ZDHHC17: variants seen among roughly 807,000 people sequenced by gnomAD.
The protein encoded by ZDHHC17 is zDHHC palmitoyltransferase 17, also known as palmitoyltransferase ZDHHC17.
A neutral mutation model predicts 90.3 loss-of-function variants in ZDHHC17; 40 were observed. That is an observed-to-expected ratio of 0.44 (90% CI 0.34 to 0.58). The LOEUF (loss-of-function observed/expected upper bound fraction) is 0.58. Ranked by LOEUF, ZDHHC17 falls within the 20% of genes least tolerant of loss-of-function variation. The pLI is 0.01. For synonymous variants in ZDHHC17, 235 were observed against 252.4 expected (o/e 0.93, Z 0.65); for missense variants, 614 against 780.8 (o/e 0.79, Z 2.55).
intron 10 of ZDHHC17, among the ~76,000 whole-genome samples, chr12:76,837,647 T>A (rs1332924758): frequency 6.6e-6 from 1 of 152,210 alleles, no homozygotes; most frequent in Non-Finnish European, 1.5e-5. Flanking sequence ...GAGGTTATAT[T>A]TGTATACTAT....
chr12:76,805,406 G>A lies in ZDHHC17; in HGVS notation c.287G>A (p.Trp96Ter). ...PDKENVTLLH[W>*]AAINNRIDLV... ...AAAGAAAATGTTACCCTCCTCCATT[G>A]GGCTGCCATCAATAACAGAATAGAT... is the stretch of plus-strand genomic sequence containing the variant. Residue 96 changes from tryptophan to a stop codon, truncating the protein, a stop_gained, in exon 3 of 17, where the codon TGG (tryptophan) becomes TAG (stop). Transcript: ENST00000426126. LOFTEE classifies it high-confidence loss of function. The A allele has an allele frequency of 6.3e-7, 1 of 1,596,474 alleles. No homozygotes were observed. The highest frequency in any genetic ancestry group is 2.3e-5 in the East Asian group (1 of 44,206).
chr12:76,818,571 A>G (rs965639965), intron 7 of ZDHHC17, among the ~76,000 whole-genome samples: 1 of 152,206 alleles, frequency 6.6e-6, no homozygotes, highest in African/African-American at 2.4e-5. Context: ...AGGAGATGAC[A>G]TTTGCTTTCA....
chr12:76,765,359 A>G (rs954233708), intron 1 of ZDHHC17, among the ~76,000 whole-genome samples: 5 of 152,222 alleles, frequency 3.3e-5, no homozygotes, highest in African/African-American at 9.7e-5. Context: ...TTTATGTTGC[A>G]TGTTAACACT....
chr12:76,798,961 G>A (rs1952855023), intron 2 of ZDHHC17, among the ~76,000 whole-genome samples: 1 of 152,170 alleles, frequency 6.6e-6, no homozygotes, highest in Non-Finnish European at 1.5e-5. Flanking sequence ...TTGAACATAA[G>A]ATTTGGGTGT....
At chr12:76,843,968 G>A (rs1027440755) in intron 12 of ZDHHC17, 3 of 151,990 alleles carry the variant, frequency 2.0e-5, no homozygotes, top group East Asian at 1.9e-4. Context: ...TTAGGATACC[G>A]ACCAGATTCT....
At chr12:76,815,009 AAAGT>A in intron 5 of ZDHHC17, 133 bp from the exon 6 acceptor site, 1 of 503,176 alleles carries the variant, frequency 2.0e-6, no homozygotes, top group Non-Finnish European at 3.5e-6. Flanking sequence ...GTTAAGAAAG[AAAGT>A]TTCATACATT....
intron 1 of ZDHHC17, among the ~76,000 whole-genome samples, chr12:76,786,979 G>T (rs75414846): frequency 7.2e-5 from 11 of 152,254 alleles, no homozygotes; most frequent in African/African-American, 2.2e-4. Flanking sequence ...TTTCAGTTAC[G>T]TATCTTTGCC....
intron 10 of ZDHHC17, among the ~76,000 whole-genome samples, chr12:76,832,520 G>A (rs1365014118): frequency 6.6e-6 from 1 of 152,204 alleles, no homozygotes; most frequent in Non-Finnish European, 1.5e-5. Context: ...GGTCACAACA[G>A]TATTGATCAT....
intron 1 of ZDHHC17, among the ~76,000 whole-genome samples, chr12:76,786,290 A>G (rs1378904245): frequency 6.6e-6 from 1 of 150,852 alleles, no homozygotes; most frequent in Non-Finnish European, 1.5e-5. Context: ...TTTTATTTTT[A>G]TTTATTTTTG....
chr12:76,797,440 A>G lies in ZDHHC17; in HGVS notation c.100A>G (p.Lys34Glu), dbSNP rs1592471677. ...GTGATTTTCTTTTTAACAGGAAATC[A>G]AACCCCAAAGCCATTATAACCATGG... The part of the protein sequence containing the change: ...CVPLLHPEEI[K>E]PQSHYNHGYG... The change falls in exon 2 of 17, where the codon AAA becomes GAA. Residue 34 changes from lysine (K) to glutamate (E), a missense_variant. Physicochemically the swap from Lys to Glu is moderately conservative, Grantham distance 56. This residue lies in a region of ZDHHC17 where 358 missense variants were observed against 380.4 expected (regional missense o/e 0.94). Coordinates refer to ENST00000426126, the MANE Select transcript of ZDHHC17 (RefSeq NM_015336.4). 5 of 1,593,360 alleles carry G rather than the reference A, an allele frequency of 3.1e-6. No homozygotes were observed. In the East Asian group the frequency reaches 1.1e-4, roughly 36 times the overall value.
Position 76,807,564 on chromosome 12 carries a change from CAT to C in ZDHHC17, c.321-1478_321-1477del, listed in dbSNP as rs1415862841. Among the ~76,000 whole-genome samples, 19 of 152,192 alleles carry C rather than the reference CAT, an allele frequency of 1.2e-4. No individual in the cohort carries two copies. The South Asian group carries it at 1.7e-3, about 13-fold the overall frequency. The stretch of plus-strand genomic sequence containing the variant: ...AAGGTCTTATAGCTACACGAAATAA[CAT>C]GTTATAAAAATATAATACTGAGAAG... On this transcript the variant is annotated intron_variant, in intron 3 of 16. Coordinates refer to ENST00000426126, the MANE Select transcript of ZDHHC17 (RefSeq NM_015336.4).
chr12:76,817,856 C>T (rs556200044), intron 7 of ZDHHC17, among the ~76,000 whole-genome samples: 1 of 152,044 alleles, frequency 6.6e-6, no homozygotes, highest in Non-Finnish European at 1.5e-5. Context: ...TTTATAGGTT[C>T]AGGCACAAGA....
At chr12:76,777,412 C>G (rs11115332) in intron 1 of ZDHHC17, among the ~76,000 whole-genome samples, 12,014 of 152,100 alleles carry the variant, frequency 0.079, 629 homozygotes, top group East Asian at 0.16. Context: ...ATGGATGTAC[C>G]GTGATGTGTT....
At chr12:76,849,322 T>TTAAAAA in intron 15 of ZDHHC17, 54 bp from the exon 16 acceptor site, 2 of 285,384 alleles carry the variant, frequency 7.0e-6, no homozygotes, top group East Asian at 1.2e-4. Flanking sequence ...AGGTCCTGTC[T>TTAAAAA]CAAAAAAAAA....
chr12:76,771,439 A>G (rs1268168919), intron 1 of ZDHHC17, among the ~76,000 whole-genome samples: 1 of 152,192 alleles, frequency 6.6e-6, no homozygotes, highest in Non-Finnish European at 1.5e-5. Context: ...GATAAATTAG[A>G]ACATTATAGT....
chr12:76,804,253 G>A (rs764412043), intron 2 of ZDHHC17, among the ~76,000 whole-genome samples: 3 of 152,154 alleles, frequency 2.0e-5, no homozygotes, highest in Non-Finnish European at 2.9e-5. Flanking sequence ...GAGGGGACTA[G>A]CACAGAGATT....
intron 1 of ZDHHC17, among the ~76,000 whole-genome samples, chr12:76,791,583 A>G (rs369266386): frequency 8.5e-5 from 13 of 152,298 alleles, no homozygotes; most frequent in Non-Finnish European, 1.8e-4. Flanking sequence ...CATAAATTTA[A>G]TAGAATTAAA....
intron 1 of ZDHHC17, among the ~76,000 whole-genome samples, chr12:76,771,590 GA>G (rs1311484115): frequency 2.0e-5 from 3 of 152,186 alleles, no homozygotes; most frequent in Non-Finnish European, 2.9e-5. Flanking sequence ...AGAAAAAAAT[GA>G]AGTGAAAAAT....
At chr12:76,765,287 T>A (rs769266960) in intron 1 of ZDHHC17, among the ~76,000 whole-genome samples, 19 of 152,362 alleles carry the variant, frequency 1.2e-4, no homozygotes, top group Non-Finnish European at 1.0e-4. Context: ...TGTTTTTTTC[T>A]GGATTTGGGT....
Sources: gnomAD v4.1 joint callset for allele counts (sites outside exome capture counted in the v4.1 genomes callset) on GRCh38, gnomAD v4.1.1 for gene constraint, gnomAD v4.1.1 regional missense constraint, MANE v1.5 for transcripts, NCBI Gene and HGNC (gene_info 2026-07-23, HGNC 2026-07-21) for gene names.